The following CTNNA2 variants were observed in gnomAD, a reference collection of about 807,000 sequenced individuals.
CTNNA2 encodes the protein catenin alpha-2.
In CTNNA2, 42 loss-of-function variants were observed where a neutral mutation model predicts 101.0. The observed-to-expected ratio is 0.42, with a 90% CI of 0.32 to 0.54. CTNNA2 has a LOEUF of 0.54. CTNNA2 is among the 20% of genes least tolerant of loss of function. The pLI is 0.14. For missense variants in CTNNA2, 871 were observed against 1,223.1 expected, an observed-to-expected ratio of 0.71 and a Z score of 4.29; for synonymous variants, 450 against 456.4, an observed-to-expected ratio of 0.99 and a Z score of 0.18.
intron 4 of CTNNA2, among the ~76,000 whole-genome samples, chr2:79,396,695 A>C (rs1402358668): frequency 6.6e-6 from 1 of 152,160 alleles, no homozygotes; most frequent in Non-Finnish European, 1.5e-5. Flanking sequence ...TGATGCTATG[A>C]TTTCTAATAA....
intron 7 of CTNNA2, among the ~76,000 whole-genome samples, chr2:79,968,998 C>T (rs1250837732): frequency 6.6e-6 from 1 of 152,060 alleles, no homozygotes; most frequent in East Asian, 1.9e-4. Context: ...CTATGATTAT[C>T]CTTATTTAAT....
Position 80,647,943 on chromosome 2 carries a change from G to A in CTNNA2, c.*71G>A. On this transcript the variant is annotated 3_prime_UTR_variant, in exon 19 of 19. Coordinates refer to ENST00000402739, the MANE Select transcript of CTNNA2 (RefSeq NM_001282597.3). ...TCTTTTTCTTTTTAATTCCATTTTT[G>A]TATGCATACCTGCCAGCTCGTATGC... 7.0e-7 allele frequency: 1 copy of A among 1,436,822 alleles called. No individual in the cohort carries two copies. 89.0% of individuals were successfully genotyped at this position (1,436,822 alleles called of 1,614,324 possible). A position where few individuals can be genotyped will look rare whatever the true frequency, so the allele number is the denominator to read the frequency against.
chr2:79,854,886 A>G (rs1410534715), intron 3 of CTNNA2, among the ~76,000 whole-genome samples: 1 of 152,198 alleles, frequency 6.6e-6, no homozygotes, highest in African/African-American at 2.4e-5. Context: ...TCAATCTTAT[A>G]GAAAAAGCAC....
intron 4 of CTNNA2, among the ~76,000 whole-genome samples, chr2:79,458,990 A>G (rs1325993154): frequency 6.6e-6 from 1 of 152,174 alleles, no homozygotes; most frequent in African/African-American, 2.4e-5. Flanking sequence ...CCATGAAAAA[A>G]AGAAATGGAT....
At chr2:79,728,788 C>G (rs890861565) in intron 2 of CTNNA2, among the ~76,000 whole-genome samples, 7 of 152,060 alleles carry the variant, frequency 4.6e-5, no homozygotes, top group Non-Finnish European at 1.5e-5. Flanking sequence ...TCAGCTTTCT[C>G]CATATGGCTA....
chr2:80,234,685 A>G (rs1355410449), intron 7 of CTNNA2, among the ~76,000 whole-genome samples: 3 of 152,172 alleles, frequency 2.0e-5, no homozygotes, highest in Admixed American at 6.5e-5. Flanking sequence ...AGTTGAGAGG[A>G]GCAGGATTGA....
chr2:79,550,988 T>C (rs1329955999), intron 1 of CTNNA2, among the ~76,000 whole-genome samples: 1 of 152,194 alleles, frequency 6.6e-6, no homozygotes, highest in African/African-American at 2.4e-5. Context: ...TGTGATAATT[T>C]GATAAGTCAA....
rs572758191 is a variant in CTNNA2, at chr2:79,951,677, ATAAG to A, written c.1056+41881_1056+41884del. On this transcript the variant is annotated intron_variant, in intron 7 of 18. Coordinates refer to ENST00000402739, the MANE Select transcript of CTNNA2 (RefSeq NM_001282597.3). ...GAGACCCTGTCTCAAAAATTAAAAA[ATAAG>A]ATAAGTTAAAATAAAATAAAATAAA... Among the ~76,000 whole-genome samples the A allele has an allele frequency of 2.7e-3, 335 of 122,806 alleles. 3 individuals are homozygous for A. Among genetic ancestry groups the A allele is most frequent in the African/African-American group, 8.3e-3 (306 of 36,786 alleles). 80.6% of individuals were successfully genotyped at this position (122,806 alleles called of 152,430 possible). A position where few individuals can be genotyped will look rare whatever the true frequency, so the allele number is the denominator to read the frequency against.
chr2:79,518,410 A>G (rs1034606712), intron 1 of CTNNA2, among the ~76,000 whole-genome samples: 1 of 152,236 alleles, frequency 6.6e-6, no homozygotes, highest in Non-Finnish European at 1.5e-5. Flanking sequence ...GAGCCATAAT[A>G]GAAAATTAAT....
intron 4 of CTNNA2, among the ~76,000 whole-genome samples, chr2:79,448,062 G>A (rs1297887335): frequency 2.6e-5 from 4 of 151,966 alleles, no homozygotes; most frequent in Non-Finnish European, 5.9e-5. Context: ...GGCTAGGAGT[G>A]TTTCAGTAGA....
chr2:80,615,228 C>G (rs1191923815), intron 17 of CTNNA2, among the ~76,000 whole-genome samples: 2 of 151,484 alleles, frequency 1.3e-5, no homozygotes, highest in African/African-American at 4.8e-5. Flanking sequence ...TTATTCAGTA[C>G]TGGATTTGAT....
rs138111350 is a variant in CTNNA2 at position 80,567,177 on chromosome 2, C to G, written c.1742-6986C>G. On this transcript the variant is annotated intron_variant, in intron 12 of 18. Coordinates refer to ENST00000402739, the MANE Select transcript of CTNNA2 (RefSeq NM_001282597.3). ...TTCTGAGCTGAGGATTTTTAAAGTC[C>G]CCCGTGTAGGGGTGAATTGGGGGAA... Among the ~76,000 whole-genome samples the G allele has an allele frequency of 7.7e-3, 1,166 of 152,206 alleles. 8 individuals are homozygous for G. Among genetic ancestry groups the G allele is most frequent in the Non-Finnish European group, 0.012 (792 of 68,008 alleles).
At chr2:79,530,991 C>G (rs1182460150) in intron 1 of CTNNA2, among the ~76,000 whole-genome samples, 1 of 151,688 alleles carries the variant, frequency 6.6e-6, no homozygotes, top group Non-Finnish European at 1.5e-5. Flanking sequence ...TATATTCTTT[C>G]TTACTTTATT....
intron 14 of CTNNA2, among the ~76,000 whole-genome samples, chr2:80,583,026 A>C (rs1695671433): frequency 6.6e-6 from 1 of 152,162 alleles, no homozygotes; most frequent in Non-Finnish European, 1.5e-5. Context: ...GTGAAGGTTA[A>C]AGAATATTAA....
chr2:80,415,100 T>G (rs1679926141), intron 8 of CTNNA2, among the ~76,000 whole-genome samples: 1 of 152,148 alleles, frequency 6.6e-6, no homozygotes, highest in South Asian at 2.1e-4. Flanking sequence ...AACTTCAAAA[T>G]GTACAAAGGC....
At chr2:79,544,736 C>T (rs1389273307) in intron 1 of CTNNA2, among the ~76,000 whole-genome samples, 5 of 152,030 alleles carry the variant, frequency 3.3e-5, no homozygotes. Context: ...TAGGAGTTAC[C>T]CAAGGAAAAT....
intron 7 of CTNNA2, among the ~76,000 whole-genome samples, chr2:80,243,018 G>A (rs1406144670): frequency 6.6e-6 from 1 of 152,174 alleles, no homozygotes; most frequent in Non-Finnish European, 1.5e-5. Flanking sequence ...TCAGAACTAG[G>A]TCAAGAGCTA....
At chr2:79,506,890 C>T (rs13404235) in intron 5 of CTNNA2, among the ~76,000 whole-genome samples, 15,075 of 152,092 alleles carry the variant, frequency 0.099, 853 homozygotes, top group East Asian at 0.19. Flanking sequence ...ACTAGTTTTG[C>T]CCTAATATAC....
intron 7 of CTNNA2, among the ~76,000 whole-genome samples, chr2:80,235,237 C>T (rs1338641722): frequency 6.6e-6 from 1 of 152,116 alleles, no homozygotes; most frequent in African/African-American, 2.4e-5. Context: ...GCTTAACACA[C>T]TTCTTCCCCA....
Sources: gnomAD v4.1 joint callset for allele counts (sites outside exome capture counted in the v4.1 genomes callset) on GRCh38, gnomAD v4.1.1 for gene constraint, MANE v1.5 for transcripts, NCBI Gene and HGNC (gene_info 2026-07-23, HGNC 2026-07-21) for gene names.